TPH1: variants seen among roughly 807,000 people sequenced by gnomAD.
The protein encoded by TPH1 is tryptophan 5-hydroxylase 1.
TPH1 carries 37 observed loss-of-function variants against 49.5 expected under a neutral mutation model. That is an observed-to-expected ratio of 0.75 (90% CI 0.58 to 0.98). The LOEUF (loss-of-function observed/expected upper bound fraction) is 0.98, where lower values mean the gene tolerates loss of function less well. Among genes scored for constraint, TPH1 ranks in the 50% least tolerant of loss-of-function variants. The pLI is 0.00. For synonymous variants in TPH1, 160 were observed against 182.1 expected, an observed-to-expected ratio of 0.88 and a Z score of 0.98; for missense variants, 487 against 523.6, an observed-to-expected ratio of 0.93 and a Z score of 0.68.
At chr11:18,037,096 C>T (rs527512852) in intron 2 of TPH1, among the ~76,000 whole-genome samples, 47 of 152,216 alleles carry the variant, frequency 3.1e-4, no homozygotes, top group Non-Finnish European at 4.4e-4. Flanking sequence ...TGGTGGCTCA[C>T]GCCTGTAATT....
chr11:18,041,800 A>C (rs1190024925), intron 1 of TPH1, among the ~76,000 whole-genome samples: 2 of 152,244 alleles, frequency 1.3e-5, no homozygotes, highest in African/African-American at 2.4e-5. Flanking sequence ...AAACTGAATA[A>C]TTATGTGGAT....
At chr11:18,025,403 CAG>C (rs1295429976) in intron 8 of TPH1, among the ~76,000 whole-genome samples, 170 bp downstream of exon 8, 2 of 151,912 alleles carry the variant, frequency 1.3e-5, no homozygotes, top group Admixed American at 6.6e-5. Context: ...TCTTTTCTGA[CAG>C]AGTCTCTCTC....
chr11:18,024,011 A>C, intron 8 of TPH1, 28 bp from the exon 9 acceptor site: 254 of 1,500,626 alleles, frequency 1.7e-4, no homozygotes, highest in Non-Finnish European at 2.1e-4. Context: ...TATTATTCTC[A>C]CACACTGACG....
At position 18,029,153 on chromosome 11, in the gene TPH1, T is replaced by C. The variant is rs201749487; in HGVS notation, c.667+12A>G. On this transcript the variant is annotated intron_variant, in intron 6 of 10. Transcript: ENST00000682019. ...CAGCAACTCCCTTACAAAAAATTAA[T>C]TAGCTTATTACCTTTTAAAAAGTTG... 16 of 1,582,462 alleles carry C rather than the reference T, an allele frequency of 1.0e-5. No individual in the cohort carries two copies. The highest frequency in any genetic ancestry group is 1.7e-5 in the Admixed American group (1 of 59,834).
In TPH1 at chr11:18,026,543, A is replaced by G. The variant is rs1847930695; in HGVS notation, c.750T>C (p.Phe250=). 4.3e-6 allele frequency: 7 copies of G among 1,613,968 alleles called. No individual in the cohort carries two copies. The highest frequency in any genetic ancestry group is 5.9e-6 in the Non-Finnish European group (7 of 1,179,984). ...DFLSGLAFRV[F]HCTQYVRHSS... ...TGTGTCTCACATATTGAGTGCAGTG[A>G]AAAACTCGAAAGGCTAAACCTGATA... is the stretch of plus-strand genomic sequence containing the variant. Residue 250 remains phenylalanine, a synonymous_variant, in exon 7 of 11, where the codon TTT becomes TTC. Transcript: ENST00000682019.
At chr11:18,033,458 T>A in intron 3 of TPH1, 84 bp from the exon 4 acceptor site, 2 of 1,102,636 alleles carry the variant, frequency 1.8e-6, no homozygotes, top group South Asian at 1.4e-5. Flanking sequence ...AAGATAAAAT[T>A]AAATTCAGTT....
chr11:18,023,039 A>C, intron 9 of TPH1, 108 bp from the exon 10 acceptor site: 1 of 1,216,208 alleles, frequency 8.2e-7, no homozygotes, highest in Non-Finnish European at 1.2e-6. Flanking sequence ...CAATGGCCCC[A>C]ATCTACAATT....
chr11:18,026,642 A>G lies in TPH1; in HGVS notation c.668-17T>C. 6.2e-7 allele frequency: 1 copy of G among 1,613,916 alleles called. No homozygotes were observed. Among genetic ancestry groups the G allele is most frequent in the Non-Finnish European group, 8.5e-7 (1 of 1,179,848 alleles). ...CTGTACGCTCTGCAAAGCAAAGGAGAAAACAAAGAAAATCTTTACCAGAAT... is the reference window on the plus strand; with the variant it reads ...CTGTACGCTCTGCAAAGCAAAGGAGGAAACAAAGAAAATCTTTACCAGAAT... On this transcript the variant is annotated splice_polypyrimidine_tract_variant and intron_variant, in intron 6 of 10. Coordinates refer to ENST00000682019, the MANE Select transcript of TPH1 (RefSeq NM_004179.3).
chr11:18,017,586 T>G lies in TPH1; in HGVS notation c.*3405A>C, dbSNP rs1446694391. On this transcript the variant is annotated 3_prime_UTR_variant, in exon 11 of 11. Transcript: ENST00000682019. ...ACATAAATTTTGTGTTCATTTATTA[T>G]CCCACTGAATAACAAACTTGTAAAT... is the stretch of plus-strand genomic sequence containing the variant. 1 of 152,218 alleles carries G rather than the reference T, an allele frequency of 6.6e-6. No individual in the cohort carries two copies. Among genetic ancestry groups the G allele is most frequent in the African/African-American group, 2.4e-5 (1 of 41,450 alleles). 9.4% of individuals were successfully genotyped at this position (152,218 alleles called of 1,614,324 possible). A position where few individuals can be genotyped will look rare whatever the true frequency, so the allele number is the denominator to read the frequency against.
chr11:18,027,315 G>A (rs1291642982), intron 6 of TPH1, among the ~76,000 whole-genome samples: 1 of 152,092 alleles, frequency 6.6e-6, no homozygotes, highest in Non-Finnish European at 1.5e-5. Context: ...GTATTTGGAT[G>A]CTCCCATTCT....
chr11:18,026,999 G>A (rs1847935264), intron 6 of TPH1, among the ~76,000 whole-genome samples: 1 of 152,146 alleles, frequency 6.6e-6, no homozygotes, highest in Admixed American at 6.5e-5. Context: ...CTCCCTTAAG[G>A]GGTTATACTA....
chr11:18,030,500 G>C (rs1590263474), intron 4 of TPH1, among the ~76,000 whole-genome samples: 1 of 151,868 alleles, frequency 6.6e-6, no homozygotes. Context: ...TCTGAAAAGA[G>C]AGAATGAGAC....
At chr11:18,028,410 C>G (rs1163806047) in intron 6 of TPH1, among the ~76,000 whole-genome samples, 3 of 152,214 alleles carry the variant, frequency 2.0e-5, no homozygotes, top group Non-Finnish European at 4.4e-5. Flanking sequence ...TCAGCCTATT[C>G]TATTTTCAAA....
intron 2 of TPH1, among the ~76,000 whole-genome samples, chr11:18,037,232 C>A (rs549512664): frequency 1.3e-5 from 2 of 152,162 alleles, no homozygotes; most frequent in East Asian, 3.9e-4. Context: ...GTGGCGCACA[C>A]CAGTAGTCCC....
At chr11:18,025,276 A>G (rs931151542) in intron 8 of TPH1, among the ~76,000 whole-genome samples, 1 of 152,164 alleles carries the variant, frequency 6.6e-6, no homozygotes, top group African/African-American at 2.4e-5. Flanking sequence ...AAAATTTTAC[A>G]TCCTTCTTTA....
chr11:18,025,485 T>C (rs1165586934), intron 8 of TPH1, 90 bp downstream of exon 8: 13 of 1,584,944 alleles, frequency 8.2e-6, no homozygotes, highest in Non-Finnish European at 1.1e-5. Flanking sequence ...ACAAATTTTC[T>C]AATGGTCATT....
chr11:18,024,722 C>G (rs1008767804), intron 8 of TPH1, among the ~76,000 whole-genome samples: 2 of 152,104 alleles, frequency 1.3e-5, no homozygotes, highest in African/African-American at 2.4e-5. Flanking sequence ...TGATTTTGAC[C>G]TCAAGGACCC....
intron 1 of TPH1, among the ~76,000 whole-genome samples, chr11:18,044,404 A>C (rs936372680): frequency 7.9e-5 from 12 of 152,176 alleles, no homozygotes; most frequent in Non-Finnish European, 2.9e-5. Context: ...CCCAGGTGAC[A>C]GAGCAAGACT....
intron 7 of TPH1, 54 bp from the exon 8 acceptor site, chr11:18,025,755 T>A: frequency 6.2e-7 from 1 of 1,606,278 alleles, no homozygotes; most frequent in South Asian, 1.1e-5. Context: ...ACGTTTATAA[T>A]CAACCATTCA....
Sources: allele counts gnomAD v4.1 joint callset (sites outside exome capture counted in the v4.1 genomes callset), GRCh38; gene constraint gnomAD v4.1.1; transcripts MANE v1.5; gene names NCBI Gene and HGNC (gene_info 2026-07-23, HGNC 2026-07-21).